The following NEK1 variants were observed in gnomAD, a reference collection of about 807,000 sequenced individuals.
NEK1 encodes the protein serine/threonine-protein kinase Nek1.
A neutral mutation model predicts 182.1 loss-of-function variants in NEK1; 137 were observed. The ratio of observed to expected loss-of-function variants is 0.75; its 90% CI spans 0.65 to 0.87. NEK1 has a LOEUF of 0.87. NEK1 is among the 40% of genes least tolerant of loss of function. The probability of loss-of-function intolerance (pLI) is 0.00; values close to 1 mark genes in which losing one functional copy is unlikely to be tolerated. For missense variants in NEK1, 1,391 were observed against 1,494.4 expected (o/e 0.93, Z 1.14); for synonymous variants, 513 against 492.2 (o/e 1.04, Z -0.56).
At chr4:169,461,170 A>G (rs947864052) in intron 27 of NEK1, among the ~76,000 whole-genome samples, 1 of 152,188 alleles carries the variant, frequency 6.6e-6, no homozygotes, top group Non-Finnish European at 1.5e-5. Context: ...ACCAAAGCCC[A>G]TTCTCTTTCT....
Position 169,426,152 on chromosome 4 carries a change from G to T in NEK1, c.2968C>A (p.His990Asn). 6.2e-7 allele frequency: 1 copy of T among 1,611,800 alleles called. No homozygotes were observed. The highest frequency in any genetic ancestry group is 1.1e-5 in the South Asian group (1 of 90,872). The change falls in exon 30 of 36, where the codon CAT becomes AAT. Residue 990 changes from histidine to asparagine, a missense_variant. Physicochemically the swap from His to Asn is moderately conservative, Grantham distance 68 (BLOSUM62 1). This residue lies in a region of NEK1 where 1,216 missense variants were observed against 1,277.6 expected (regional missense o/e 0.95). Coordinates refer to ENST00000507142, the MANE Select transcript of NEK1 (RefSeq NM_001199397.3). Reference sequence around the variant, plus strand: ...CTAATGCAATGATGCTTACCTATATGAATGTCACTAAGTTGGTCCACAGTA... The same window carrying T: ...CTAATGCAATGATGCTTACCTATATTAATGTCACTAAGTTGGTCCACAGTA... ...SSTVDQLSDI[H>N]IEPGTNDSQH...
intron 27 of NEK1, among the ~76,000 whole-genome samples, chr4:169,445,602 A>G (rs1414111004): frequency 1.3e-5 from 2 of 152,228 alleles, no homozygotes; most frequent in African/African-American, 2.4e-5. Flanking sequence ...GTTCTCACTT[A>G]TAAGTGGAAC....
At chr4:169,469,833 T>G (rs2149522646) in intron 26 of NEK1, among the ~76,000 whole-genome samples, 1 of 152,176 alleles carries the variant, frequency 6.6e-6, no homozygotes, top group East Asian at 1.9e-4. Flanking sequence ...TTAGGATAGT[T>G]AGAGCTTCTC....
intron 32 of NEK1, among the ~76,000 whole-genome samples, chr4:169,402,189 T>C (rs1243930383): frequency 6.6e-6 from 1 of 152,184 alleles, no homozygotes; most frequent in Non-Finnish European, 1.5e-5. Context: ...TGAAACAATG[T>C]TTTGATATTT....
chr4:169,435,484 G>A (rs1360260219), intron 28 of NEK1, among the ~76,000 whole-genome samples: 1 of 152,138 alleles, frequency 6.6e-6, no homozygotes, highest in African/African-American at 2.4e-5. Flanking sequence ...ATTAAGGATG[G>A]TCACATTTTG....
chr4:169,474,914 T>C (rs1465652698), intron 26 of NEK1, among the ~76,000 whole-genome samples: 1 of 152,176 alleles, frequency 6.6e-6, no homozygotes, highest in Admixed American at 6.5e-5. Context: ...TAAGATGGTA[T>C]AGAGTAATTA....
intron 27 of NEK1, among the ~76,000 whole-genome samples, chr4:169,456,103 C>T (rs1268930044): frequency 6.6e-6 from 1 of 152,018 alleles, no homozygotes; most frequent in African/African-American, 2.4e-5. Flanking sequence ...AAACAATATG[C>T]TTCTGAATAA....
At chr4:169,609,773 T>A (rs544922872) in intron 2 of NEK1, among the ~76,000 whole-genome samples, 3 of 152,152 alleles carry the variant, frequency 2.0e-5, no homozygotes, top group Non-Finnish European at 4.4e-5. Context: ...AAATGTATTA[T>A]CTATTCAAAA....
chr4:169,576,702 C>T (rs560932981), intron 12 of NEK1: 12 of 314,652 alleles, frequency 3.8e-5, no homozygotes, highest in East Asian at 2.0e-4. Context: ...TAATGTCACT[C>T]GCTTTTTATT....
rs764372269 is a variant in NEK1 at position 169,555,913 on chromosome 4, C to A, written c.1430+19G>T. On this transcript the variant is annotated intron_variant, in intron 17 of 35. Transcript: ENST00000507142. ...CTCAGAAGCAAAGCATAAGCAACTT[C>A]TGCAGAACATAGCCATACCTTTCTG... 1 of 1,613,388 alleles carries A rather than the reference C, an allele frequency of 6.2e-7. No homozygotes were observed. Among genetic ancestry groups the A allele is most frequent in the Non-Finnish European group, 8.5e-7 (1 of 1,179,492 alleles).
intron 27 of NEK1, among the ~76,000 whole-genome samples, chr4:169,446,037 T>C (rs887516296): frequency 1.3e-5 from 2 of 151,792 alleles, no homozygotes; most frequent in African/African-American, 4.8e-5. Flanking sequence ...ATTGATCTCA[T>C]GGAAGTAGAG....
chr4:169,524,815 G>T (rs1489914860), intron 19 of NEK1, among the ~76,000 whole-genome samples: 1 of 152,124 alleles, frequency 6.6e-6, no homozygotes, highest in African/African-American at 2.4e-5. Flanking sequence ...TGAACGTTAT[G>T]GGAAATTCTA....
chr4:169,400,145 G>A lies in NEK1; in HGVS notation c.3847+80C>T, dbSNP rs1293532554. 3.8e-6 allele frequency: 5 copies of A among 1,326,796 alleles called. No homozygotes were observed. The South Asian group carries it at 6.4e-5, about 17-fold the overall frequency. 82.2% of individuals were successfully genotyped at this position (1,326,796 alleles called of 1,614,324 possible). The stretch of plus-strand genomic sequence containing the variant: ...GTAGATTTCACAAAATGGATGTGAT[G>A]TAAGCTGATTCATATACATGTATCA... On this transcript the variant is annotated intron_variant, in intron 35 of 35. Transcript: ENST00000507142.
At chr4:169,564,793 C>T (rs1763425594) in intron 12 of NEK1, among the ~76,000 whole-genome samples, 1 of 152,038 alleles carries the variant, frequency 6.6e-6, no homozygotes, top group Non-Finnish European at 1.5e-5. Flanking sequence ...TGTAATACCA[C>T]CCAATGGGTT....
In NEK1 at chr4:169,400,208, A is replaced by C. The variant is rs1436350315; in HGVS notation, c.3847+17T>G. ...CACATTTACTGAAAATTATACAGACATGTGAGGAAATCTTACCTTCTTGGT... is the reference window on the plus strand; with the variant it reads ...CACATTTACTGAAAATTATACAGACCTGTGAGGAAATCTTACCTTCTTGGT... On this transcript the variant is annotated intron_variant, in intron 35 of 35. Coordinates refer to ENST00000507142, the MANE Select transcript of NEK1 (RefSeq NM_001199397.3). 1 of 1,569,312 alleles carries C rather than the reference A, an allele frequency of 6.4e-7. No individual in the cohort carries two copies. Among genetic ancestry groups the C allele is most frequent in the South Asian group, 1.2e-5 (1 of 84,984 alleles).
chr4:169,460,141 ACT>A (rs1355787943), intron 27 of NEK1, among the ~76,000 whole-genome samples: 1 of 151,958 alleles, frequency 6.6e-6, no homozygotes, highest in East Asian at 1.9e-4. Context: ...ATATACAGGA[ACT>A]CTGTACTTTT....
In NEK1 at chr4:169,532,802, A is replaced by G. The variant is rs913318575; in HGVS notation, c.1665+5007T>C. ...TGAAAAAAAAAATATGAAAAAAAAAATTAGCCGGGCATGATGGCACGCGCC... is the reference window on the plus strand; with the variant it reads ...TGAAAAAAAAAATATGAAAAAAAAAGTTAGCCGGGCATGATGGCACGCGCC... On this transcript the variant is annotated intron_variant, in intron 19 of 35. Transcript: ENST00000507142. Among the ~76,000 whole-genome samples, 135 of 133,052 alleles carry G rather than the reference A, an allele frequency of 1.0e-3. 1 individual carries two copies. The highest frequency in any genetic ancestry group is 3.7e-3 in the African/African-American group (131 of 35,382). 87.3% of individuals were successfully genotyped at this position (133,052 alleles called of 152,430 possible). A position where few individuals can be genotyped will look rare whatever the true frequency, so the allele number is the denominator to read the frequency against.
Position 169,477,114 on chromosome 4 carries a change from C to T in NEK1, c.2434+10G>A. The stretch of plus-strand genomic sequence containing the variant: ...ACCTAAATAGGATATTAATATACTA[C>T]TATACATACTTTCAGTTGTAGAGAA... On this transcript the variant is annotated intron_variant, in intron 26 of 35. Transcript: ENST00000507142. The T allele has an allele frequency of 6.5e-7, 1 of 1,549,362 alleles. No individual in the cohort carries two copies. The highest frequency in any genetic ancestry group is 8.8e-7 in the Non-Finnish European group (1 of 1,135,570).
intron 10 of NEK1, 75 bp downstream of exon 10, chr4:169,585,274 T>A (rs954631273): frequency 1.0e-6 from 1 of 1,003,316 alleles, no homozygotes; most frequent in Non-Finnish European, 1.5e-6. Flanking sequence ...AGATGTGTTC[T>A]CCTCAACACT....
Sources: allele counts gnomAD v4.1 joint callset (sites outside exome capture counted in the v4.1 genomes callset), GRCh38; gene constraint gnomAD v4.1.1; regional missense constraint gnomAD v4.1.1; transcripts MANE v1.5; gene names NCBI Gene and HGNC (gene_info 2026-07-23, HGNC 2026-07-21).